HAUS6: variants seen among roughly 807,000 people sequenced by gnomAD.
HAUS6 encodes HAUS augmin-like complex subunit 6.
Under a neutral mutation model 106.8 loss-of-function variants are expected in HAUS6, and 80 were observed. The observed-to-expected ratio is 0.75, with a 90% CI of 0.63 to 0.90. The LOEUF (loss-of-function observed/expected upper bound fraction) is 0.90, where lower values mean the gene tolerates loss of function less well. Among genes scored for constraint, HAUS6 ranks in the 40% least tolerant of loss-of-function variants. The probability of loss-of-function intolerance (pLI) is 0.00; values close to 1 mark genes in which losing one functional copy is unlikely to be tolerated. For synonymous variants in HAUS6, 356 were observed against 379.1 expected, an observed-to-expected ratio of 0.94 and a Z score of 0.71; for missense variants, 1,155 against 1,118.1, an observed-to-expected ratio of 1.03 and a Z score of -0.47.
chr9:19,061,959 T>C (rs1836632829), intron 14 of HAUS6, among the ~76,000 whole-genome samples: 2 of 152,234 alleles, frequency 1.3e-5, no homozygotes, highest in South Asian at 4.1e-4. Flanking sequence ...AAACCAAATT[T>C]TTCTTTCAGT....
At chr9:19,090,269 T>C (rs1239857273) in intron 4 of HAUS6, among the ~76,000 whole-genome samples, 2 of 152,208 alleles carry the variant, frequency 1.3e-5, no homozygotes, top group Admixed American at 1.3e-4. Flanking sequence ...TTATTATAAT[T>C]TGAGATATCT....
rs771290701 is a variant in HAUS6 at position 19,087,151 on chromosome 9, G to A, written c.590C>T (p.Ser197Leu). ...TCTCAAGTTTCGTACCTGCTTAACT[G>A]ATAATCTGCAAGAAAACATACAAAA... ...TQKYQENAQL[S>L]VKQVRNLRSE... is the part of the protein sequence containing the mutation. Residue 197 changes from serine (S) to leucine (L), a missense_variant, in exon 6 of 17, where the codon TCA becomes TTA. Around this residue, in one of 3 missense-constraint regions of HAUS6, gnomAD observed 761 missense variants for 690.0 expected, o/e 1.10. Coordinates refer to ENST00000380502, the MANE Select transcript of HAUS6 (RefSeq NM_017645.5). 1 of 1,484,268 alleles carries A rather than the reference G, an allele frequency of 6.7e-7. No individual in the cohort carries two copies. The highest frequency in any genetic ancestry group is 9.4e-7 in the Non-Finnish European group (1 of 1,062,578). 91.9% of individuals were successfully genotyped at this position (1,484,268 alleles called of 1,614,324 possible).
At chr9:19,067,628 G>A (rs765837824) in intron 12 of HAUS6, among the ~76,000 whole-genome samples, 2 of 152,072 alleles carry the variant, frequency 1.3e-5, no homozygotes, top group Non-Finnish European at 2.9e-5. Flanking sequence ...ATTCTTAGGG[G>A]TTGAGTTTCT....
intron 16 of HAUS6, 134 bp downstream of exon 16, chr9:19,057,827 C>A: frequency 1.7e-6 from 1 of 597,830 alleles, no homozygotes. Context: ...AGGGATCATT[C>A]CCCTCATCCT....
chr9:19,085,141 T>G (rs1372826404), intron 7 of HAUS6, among the ~76,000 whole-genome samples: 1 of 152,126 alleles, frequency 6.6e-6, no homozygotes, highest in Non-Finnish European at 1.5e-5. Context: ...GAAGACTCAT[T>G]GGCTAGCAGT....
At chr9:19,071,435 T>C (rs1444453903) in intron 11 of HAUS6, among the ~76,000 whole-genome samples, 1 of 152,166 alleles carries the variant, frequency 6.6e-6, no homozygotes, top group Non-Finnish European at 1.5e-5. Context: ...TAAGAGATAT[T>C]GGTGAATAAG....
intron 7 of HAUS6, among the ~76,000 whole-genome samples, chr9:19,084,318 A>G (rs1200129153): frequency 6.6e-6 from 1 of 152,208 alleles, no homozygotes; most frequent in Non-Finnish European, 1.5e-5. Flanking sequence ...AGGCAAAACT[A>G]ATCTTTAGTG....
intron 14 of HAUS6, 104 bp downstream of exon 14, chr9:19,062,904 G>C: frequency 1.2e-6 from 1 of 836,636 alleles, no homozygotes; most frequent in Non-Finnish European, 1.9e-6. Context: ...GGGCTCAAAT[G>C]TTCCTCTTGC....
At chr9:19,083,376 G>A (rs1479504581) in intron 7 of HAUS6, among the ~76,000 whole-genome samples, 1 of 151,942 alleles carries the variant, frequency 6.6e-6, no homozygotes, top group Non-Finnish European at 1.5e-5. Flanking sequence ...CCAAGTAGCT[G>A]GGACTACAGG....
At position 19,058,486 on chromosome 9, in the gene HAUS6, T is replaced by C. The variant is rs762842123; in HGVS notation, c.2281A>G (p.Ser761Gly). 6.3e-6 allele frequency: 10 copies of C among 1,584,866 alleles called. No homozygotes were observed. The highest frequency in any genetic ancestry group is 8.6e-6 in the Non-Finnish European group (10 of 1,162,324). The change falls in exon 16 of 17, where the codon AGT (serine) becomes GGT (glycine). Residue 761 changes from serine to glycine, a missense_variant. Ser to Gly is a moderately conservative substitution (Grantham distance 56). Transcript: ENST00000380502. Reference protein sequence around the residue: ...TMLWNSFQISSGISSKSFKDN... With the variant: ...TMLWNSFQISGGISSKSFKDN... ...TTAAAACTCTTAGAACTAATTCCAC[T>C]TGATATCTGAAAAGAATTCCACAAC...
chr9:19,073,473 C>T (rs952184610), intron 11 of HAUS6, among the ~76,000 whole-genome samples: 3 of 150,162 alleles, frequency 2.0e-5, no homozygotes, highest in Admixed American at 6.6e-5. Flanking sequence ...ACTTCCTAAA[C>T]GGACACATTT....
At position 19,076,656 on chromosome 9, in the gene HAUS6, A is replaced by C; in HGVS notation, c.1240T>G (p.Ser414Ala). 6.3e-7 allele frequency: 1 copy of C among 1,594,638 alleles called. No individual in the cohort carries two copies. Among genetic ancestry groups the C allele is most frequent in the Non-Finnish European group, 8.6e-7 (1 of 1,163,110 alleles). ...PMSPLSFDPA[S>A]EEVYAKSILC... Reference sequence around the variant, plus strand: ...ATACTCTTTGCATACACTTCTTCTGAGGCAGGATCAAACGAAAGGGGAGAC... The same window carrying C: ...ATACTCTTTGCATACACTTCTTCTGCGGCAGGATCAAACGAAAGGGGAGAC... Residue 414 changes from serine to alanine, a missense_variant, in exon 11 of 17, where the codon TCA becomes GCA. Around this residue, in one of 3 missense-constraint regions of HAUS6, gnomAD observed 761 missense variants for 690.0 expected, o/e 1.10. Transcript: ENST00000380502.
chr9:19,078,416 C>G (rs1837059073), intron 9 of HAUS6, 114 bp from the exon 10 acceptor site: 1 of 636,930 alleles, frequency 1.6e-6, no homozygotes, highest in East Asian at 2.7e-5. Flanking sequence ...AGTGAAAGTT[C>G]AATCAATATA....
chr9:19,086,734 CT>C lies in HAUS6; in HGVS notation c.698del (p.Lys233ArgfsTer9). The C allele has an allele frequency of 2.4e-6, 3 of 1,246,066 alleles. No homozygotes were observed. Among genetic ancestry groups the C allele is most frequent in the Admixed American group, 1.9e-5 (1 of 53,344 alleles). The allele number at this position is 1,246,066 out of a possible 1,614,324, so 77.2% of individuals were successfully genotyped here. A position where few individuals can be genotyped will look rare whatever the true frequency, so the allele number is the denominator to read the frequency against. On this transcript the variant is annotated frameshift_variant and splice_region_variant, in exon 7 of 17. Transcript: ENST00000380502. LOFTEE classifies it high-confidence loss of function. ...TTTCTCCTTTTATAAGTTGTCTCAC[CT>C]TTTGAATTTTTTCTTCCATATTACT... ...DHSNMEEKIQ[K>X]VRSLWASVNE... is the part of the protein sequence containing the mutation.
At chr9:19,093,128 A>C (rs1397371678) in intron 4 of HAUS6, 43 bp downstream of exon 4, 1 of 1,318,450 alleles carries the variant, frequency 7.6e-7, no homozygotes, top group Non-Finnish European at 1.1e-6. Context: ...AACAATAAAA[A>C]TTTAAGAATC....
At chr9:19,089,952 C>T (rs111713302) in intron 4 of HAUS6, among the ~76,000 whole-genome samples, 1 of 152,152 alleles carries the variant, frequency 6.6e-6, no homozygotes, top group African/African-American at 2.4e-5. Flanking sequence ...CTCACCTCAG[C>T]CTCCAGAGTA....
rs374416336 is a variant in HAUS6, at chr9:19,063,588, G to GA, written c.1377-9dup. 4.2e-5 allele frequency: 67 copies of GA among 1,592,854 alleles called. No individual in the cohort carries two copies. In the African/African-American group the frequency reaches 7.1e-4, roughly 17 times the overall value. On this transcript the variant is annotated splice_polypyrimidine_tract_variant and intron_variant, in intron 12 of 16. Transcript: ENST00000380502. The stretch of plus-strand genomic sequence containing the variant: ...GACAAGAAAGAGGCAGGGCTAAAAG[G>GA]AAAAAAGACAACAAATCCAAGTTAT...
intron 4 of HAUS6, among the ~76,000 whole-genome samples, chr9:19,091,612 C>A (rs552267802): frequency 1.3e-5 from 2 of 151,862 alleles, no homozygotes; most frequent in Non-Finnish European, 2.9e-5. Flanking sequence ...ACCAGGAGTT[C>A]GAATCAAAAC....
intron 16 of HAUS6, 184 bp downstream of exon 16, chr9:19,057,777 T>C (rs964482812): frequency 2.4e-5 from 12 of 500,456 alleles, no homozygotes; most frequent in Admixed American, 6.9e-5. Flanking sequence ...ATTGTAACTA[T>C]ATATACATAA....
Sources: allele counts gnomAD v4.1 joint callset (sites outside exome capture counted in the v4.1 genomes callset), GRCh38; gene constraint gnomAD v4.1.1; regional missense constraint gnomAD v4.1.1; transcripts MANE v1.5; gene names NCBI Gene and HGNC (gene_info 2026-07-23, HGNC 2026-07-21).